The following TRIM5 variants were observed in gnomAD, a reference collection of about 807,000 sequenced individuals.
The protein encoded by TRIM5 is tripartite motif containing 5.
TRIM5 carries 31 observed loss-of-function variants against 35.6 expected under a neutral mutation model. The observed-to-expected ratio is 0.87, with a 90% confidence interval of 0.65 to 1.18. TRIM5 has a LOEUF of 1.18. Among genes scored for constraint, TRIM5 ranks in the 50% most tolerant of loss-of-function variants. The pLI, the probability that TRIM5 is intolerant of heterozygous loss-of-function variation, is 0.00. For missense variants in TRIM5, 609 were observed against 591.6 expected (o/e 1.03, Z -0.31); for synonymous variants, 243 against 215.6 (o/e 1.13, Z -1.11).
the TRIM5 span, among the ~76,000 whole-genome samples, chr11:5,609,192 C>T: frequency 6.6e-6 from 1 of 152,274 alleles, no homozygotes; most frequent in Middle Eastern, 3.4e-3. Context: ...GCTGCTTGCA[C>T]ACTTGGTTCC....
At chr11:5,597,349 G>A in the TRIM5 span, among the ~76,000 whole-genome samples, 3 of 152,128 alleles carry the variant, frequency 2.0e-5, no homozygotes, top group Admixed American at 6.6e-5. Flanking sequence ...TCCATGCCTA[G>A]CTTTAAAAAA....
At chr11:5,604,049 G>A in the TRIM5 span, among the ~76,000 whole-genome samples, 1 of 152,098 alleles carries the variant, frequency 6.6e-6, no homozygotes, top group Non-Finnish European at 1.5e-5. Context: ...AGGTTGGAGT[G>A]CAGTGGTGCG....
At chr11:5,629,975 A>G in the TRIM5 span, among the ~76,000 whole-genome samples, 15 of 152,028 alleles carry the variant, frequency 9.9e-5, no homozygotes, top group South Asian at 3.1e-3. Flanking sequence ...CAAAGTGCTG[A>G]GATTACAGGG....
the TRIM5 span, chr11:5,610,359 G>T: frequency 6.4e-7 from 1 of 1,565,102 alleles, no homozygotes; most frequent in Non-Finnish European, 8.7e-7. Context: ...GGAGGTCCCA[G>T]AGGGAGGGAC....
the TRIM5 span, among the ~76,000 whole-genome samples, chr11:5,613,230 G>A: frequency 6.6e-6 from 1 of 152,232 alleles, no homozygotes; most frequent in African/African-American, 2.4e-5. Flanking sequence ...ATCTAGAAGT[G>A]TAGAAATTTG....
At chr11:5,673,162 C>T (rs974411993) in intron 4 of TRIM5, among the ~76,000 whole-genome samples, 6 of 151,976 alleles carry the variant, frequency 3.9e-5, no homozygotes, top group Non-Finnish European at 8.8e-5. Flanking sequence ...GAAGAAGATT[C>T]GGTTATCACT....
the TRIM5 span, among the ~76,000 whole-genome samples, chr11:5,619,339 C>T: frequency 6.6e-6 from 1 of 152,224 alleles, no homozygotes; most frequent in Non-Finnish European, 1.5e-5. Flanking sequence ...CAGAGAAGTA[C>T]AGGAATCTTC....
chr11:5,677,830 A>C (rs957095839), intron 4 of TRIM5: 1 of 164,688 alleles, frequency 6.1e-6, no homozygotes, highest in Non-Finnish European at 1.3e-5. Flanking sequence ...AATTAATTCC[A>C]TGAAGGAAAA....
At chr11:5,681,486 C>G (rs1320007432) in intron 1 of TRIM5, among the ~76,000 whole-genome samples, 2 of 152,126 alleles carry the variant, frequency 1.3e-5, no homozygotes, top group African/African-American at 4.8e-5. Flanking sequence ...GTTTTAAGAC[C>G]TTCCTCTGGT....
chr11:5,651,357 A>G, the TRIM5 span, among the ~76,000 whole-genome samples: 2 of 152,186 alleles, frequency 1.3e-5, no homozygotes, highest in African/African-American at 4.8e-5. Context: ...GGTAATAAGC[A>G]TAGTACCCAG....
At chr11:5,634,028 T>C in the TRIM5 span, 1 of 984,640 alleles carries the variant, frequency 1.0e-6, no homozygotes, top group Non-Finnish European at 1.5e-6. Flanking sequence ...CTCTTCTCTG[T>C]CCTGTCCCTG....
At chr11:5,661,616 A>T (rs962950464), downstream of TRIM5, among the ~76,000 whole-genome samples, 1 of 152,220 alleles carries the variant, frequency 6.6e-6, no homozygotes, top group Non-Finnish European at 1.5e-5. Flanking sequence ...AGAAGACGAC[A>T]TAATTGTTAC....
the TRIM5 span, chr11:5,643,530 C>T: frequency 1.2e-6 from 2 of 1,614,144 alleles, no homozygotes; most frequent in Non-Finnish European, 1.7e-6. Flanking sequence ...GGCTGTGCCT[C>T]CCTGCCGTGT....
At chr11:5,615,682 C>T in the TRIM5 span, among the ~76,000 whole-genome samples, 3 of 151,664 alleles carry the variant, frequency 2.0e-5, no homozygotes, top group South Asian at 2.1e-4. Context: ...CAACCTCTGC[C>T]TCCTGGGTTT....
At chr11:5,676,499 A>C (rs1022526335) in intron 4 of TRIM5, among the ~76,000 whole-genome samples, 1 of 152,228 alleles carries the variant, frequency 6.6e-6, no homozygotes, top group African/African-American at 2.4e-5. Flanking sequence ...CATGGGTAGG[A>C]AGAATCAATA....
chr11:5,641,347 G>A, the TRIM5 span: 1 of 1,495,544 alleles, frequency 6.7e-7, no homozygotes, highest in Non-Finnish European at 9.0e-7. Context: ...GAGTATTTGA[G>A]TGTTCCGTAA....
At chr11:5,605,392 A>G in the TRIM5 span, 2 of 1,614,190 alleles carry the variant, frequency 1.2e-6, no homozygotes, top group Admixed American at 1.7e-5. Context: ...CAGCTGCGAA[A>G]TATCCTAGAC....
chr11:5,659,057 C>A (rs574942275), downstream of TRIM5, among the ~76,000 whole-genome samples: 1 of 152,130 alleles, frequency 6.6e-6, no homozygotes, highest in South Asian at 2.1e-4. Flanking sequence ...ATGTAAATGA[C>A]GAGTTAATGG....
rs1852329759 is a variant in TRIM5 at position 5,680,236 on chromosome 11, TC to T, written c.-60del. ...TGCTGAGGTTCCTCTTGTTCACAGA[TC>T]CCTGCATGATTGGGAAGGTTAAAAT... is the stretch of plus-strand genomic sequence containing the variant. On this transcript the variant is annotated splice_region_variant and 5_prime_UTR_variant, in exon 2 of 8. Transcript: ENST00000380034. 1 of 1,498,758 alleles carries T rather than the reference TC, an allele frequency of 6.7e-7. No individual in the cohort carries two copies. The highest frequency in any genetic ancestry group is 2.3e-5 in the East Asian group (1 of 43,898). The allele number at this position is 1,498,758 out of a possible 1,614,324, so 92.8% of individuals were successfully genotyped here.
Sources: allele counts gnomAD v4.1 joint callset (sites outside exome capture counted in the v4.1 genomes callset), GRCh38; gene constraint gnomAD v4.1.1; transcripts MANE v1.5; gene names NCBI Gene and HGNC (gene_info 2026-07-23, HGNC 2026-07-21).